The following MAML2 variants were observed in gnomAD, a reference collection of about 807,000 sequenced individuals.
MAML2 encodes the protein mastermind like transcriptional coactivator 2.
MAML2 carries 22 observed loss-of-function variants against 96.1 expected under a neutral mutation model. That is an observed-to-expected ratio of 0.23 (90% confidence interval 0.16 to 0.33). The LOEUF is 0.33. Among genes scored for constraint, MAML2 ranks in the 10% least tolerant of loss-of-function variants. The pLI, the probability that MAML2 is intolerant of heterozygous loss-of-function variation, is 1.00. For missense variants in MAML2, 1,367 were observed against 1,392.4 expected (o/e 0.98, Z 0.29); for synonymous variants, 561 against 521.3 (o/e 1.08, Z -1.04).
At chr11:96,153,911 CAATAAATAAATAAATA>C (rs59318960) in intron 1 of MAML2, among the ~76,000 whole-genome samples, 18 of 138,038 alleles carry the variant, frequency 1.3e-4, no homozygotes, top group South Asian at 6.9e-4. Context: ...GACTCCGTCT[CAATAAATAAATAAATA>C]AATAAATAAA....
chr11:96,321,569 G>C (rs1185698782), intron 1 of MAML2, among the ~76,000 whole-genome samples: 1 of 152,164 alleles, frequency 6.6e-6, no homozygotes, highest in East Asian at 1.9e-4. Flanking sequence ...CTGATGCTTG[G>C]CGTTTGGGAT....
chr11:96,175,377 TGATGTG>T (rs1861368883), intron 1 of MAML2, among the ~76,000 whole-genome samples: 2 of 152,196 alleles, frequency 1.3e-5, no homozygotes, highest in African/African-American at 2.4e-5. Flanking sequence ...AATTTTTGTA[TGATGTG>T]CAAAGCAAAC....
chr11:96,069,942 T>C (rs1590992929), intron 2 of MAML2, among the ~76,000 whole-genome samples: 1 of 148,582 alleles, frequency 6.7e-6, no homozygotes. Context: ...AGGAATCACT[T>C]GAACCTGAGA....
chr11:96,227,176 C>A (rs115020563), intron 1 of MAML2, among the ~76,000 whole-genome samples: 2,886 of 152,244 alleles, frequency 0.019, 102 homozygotes, highest in African/African-American at 0.066. Flanking sequence ...CCCCTTTCTT[C>A]GGGAAGTTCT....
chr11:96,035,736 A>G (rs1858701397), intron 2 of MAML2, among the ~76,000 whole-genome samples: 1 of 152,224 alleles, frequency 6.6e-6, no homozygotes, highest in Admixed American at 6.5e-5. Flanking sequence ...TCTTCCAGGA[A>G]ATCTTCATAT....
intron 1 of MAML2, among the ~76,000 whole-genome samples, chr11:96,104,035 G>A (rs546889666): frequency 6.6e-6 from 1 of 152,168 alleles, no homozygotes; most frequent in South Asian, 2.1e-4. Flanking sequence ...TCGACTTAAT[G>A]TGACCCTCAC....
rs59453325 is a variant in MAML2 at position 96,149,432 on chromosome 11, A to AAAAT, written c.514-55916_514-55915insATTT. 2.3e-4 allele frequency among the ~76,000 whole-genome samples: 26 copies of AAAAT among 112,600 alleles called. 9 individuals are homozygous for AAAAT. The highest frequency in any genetic ancestry group is 5.4e-4 in the Admixed American group (5 of 9,290). The allele number at this position is 112,600 out of a possible 152,430, so 73.9% of individuals were successfully genotyped here. On this transcript the variant is annotated intron_variant, in intron 1 of 4. Transcript: ENST00000524717. The stretch of plus-strand genomic sequence containing the variant: ...ACTCCGTCACAAAAAAAAAAAAAAA[A>AAAAT]TGAGAAGTTAAGTTTTCAGCCAGGC...
chr11:96,011,902 G>A (rs1042663707), intron 2 of MAML2, among the ~76,000 whole-genome samples: 1 of 152,272 alleles, frequency 6.6e-6, no homozygotes, highest in East Asian at 1.9e-4. Flanking sequence ...TAGAAGTCAA[G>A]AGAAATGGTA....
chr11:96,127,008 T>C (rs1860450771), intron 1 of MAML2, among the ~76,000 whole-genome samples: 2 of 152,202 alleles, frequency 1.3e-5, no homozygotes, highest in African/African-American at 4.8e-5. Flanking sequence ...CACAGTCTCA[T>C]CACTTGTTGA....
intron 1 of MAML2, among the ~76,000 whole-genome samples, chr11:96,296,182 C>G (rs1863296704): frequency 6.6e-6 from 1 of 152,082 alleles, no homozygotes; most frequent in South Asian, 2.1e-4. Flanking sequence ...ACTACAGGCA[C>G]ACACCATCAT....
At chr11:96,046,266 G>C (rs1455503930) in intron 2 of MAML2, among the ~76,000 whole-genome samples, 2 of 152,066 alleles carry the variant, frequency 1.3e-5, no homozygotes, top group African/African-American at 2.4e-5. Context: ...GTGATGAATT[G>C]CAAGAATGTG....
chr11:96,135,037 C>A (rs1460105325), intron 1 of MAML2, among the ~76,000 whole-genome samples: 1 of 152,202 alleles, frequency 6.6e-6, no homozygotes, highest in Non-Finnish European at 1.5e-5. Context: ...ATGTGCCCCA[C>A]AAAGTTCATG....
At chr11:96,149,432 A>AAAAAAT (rs59453325) in intron 1 of MAML2, among the ~76,000 whole-genome samples, 40,803 of 112,324 alleles carry the variant, frequency 0.36, 11,741 homozygotes, top group East Asian at 0.85. Flanking sequence ...AAAAAAAAAA[A>AAAAAAT]TGAGAAGTTA....
At chr11:95,999,794 T>A (rs1462775335) in intron 2 of MAML2, among the ~76,000 whole-genome samples, 2 of 152,124 alleles carry the variant, frequency 1.3e-5, no homozygotes, top group African/African-American at 2.4e-5. Context: ...CATCCGCAAT[T>A]TGCAAAACAA....
At chr11:96,330,203 T>C (rs934167927) in intron 1 of MAML2, among the ~76,000 whole-genome samples, 4 of 152,224 alleles carry the variant, frequency 2.6e-5, no homozygotes, top group Non-Finnish European at 5.9e-5. Context: ...AGGAGAATGT[T>C]GATGCACATG....
chr11:95,996,741 T>C (rs901676529), intron 2 of MAML2, among the ~76,000 whole-genome samples: 2 of 152,186 alleles, frequency 1.3e-5, no homozygotes, highest in African/African-American at 4.8e-5. Flanking sequence ...ATTGCCAACA[T>C]GTTGTGCAAA....
At chr11:96,293,573 G>T (rs1166708379) in intron 1 of MAML2, among the ~76,000 whole-genome samples, 1 of 152,058 alleles carries the variant, frequency 6.6e-6, no homozygotes, top group African/African-American at 2.4e-5. Flanking sequence ...AAACTAAAAG[G>T]AAATAGCAAC....
At chr11:96,302,020 G>T (rs1262160342) in intron 1 of MAML2, among the ~76,000 whole-genome samples, 1 of 152,208 alleles carries the variant, frequency 6.6e-6, no homozygotes, top group African/African-American at 2.4e-5. Flanking sequence ...GCTAGGCATT[G>T]TGCAAAATAC....
At chr11:96,323,140 A>G (rs909272778) in intron 1 of MAML2, among the ~76,000 whole-genome samples, 17 of 151,424 alleles carry the variant, frequency 1.1e-4, no homozygotes, top group African/African-American at 4.1e-4. Context: ...CCAAGAGACC[A>G]TGGAACTTAT....
Sources: allele counts gnomAD v4.1 joint callset (sites outside exome capture counted in the v4.1 genomes callset), GRCh38; gene constraint gnomAD v4.1.1; transcripts MANE v1.5; gene names NCBI Gene and HGNC (gene_info 2026-07-23, HGNC 2026-07-21).